COL21A1: variants seen among roughly 807,000 people sequenced by gnomAD.
COL21A1 encodes the protein collagen alpha-1(XXI) chain.
COL21A1 carries 149 observed loss-of-function variants against 137.9 expected under a neutral mutation model. That is an observed-to-expected ratio of 1.08 (90% CI 0.95 to 1.24). The LOEUF (loss-of-function observed/expected upper bound fraction) is 1.24. Ranked by LOEUF, COL21A1 falls within the 50% of genes most tolerant of loss-of-function variation. The pLI is 0.00. For synonymous variants in COL21A1, 456 were observed against 391.5 expected (o/e 1.16, Z -1.95); for missense variants, 1,167 against 1,158.4 (o/e 1.01, Z -0.11).
chr6:56,378,961 T>A (rs2094004426), intron 1 of COL21A1, among the ~76,000 whole-genome samples: 1 of 152,220 alleles, frequency 6.6e-6, no homozygotes, highest in Admixed American at 6.5e-5. Flanking sequence ...CTCTTGGATC[T>A]TGTCCAAGAC....
intron 1 of COL21A1, among the ~76,000 whole-genome samples, chr6:56,308,824 A>G (rs1764532771): frequency 6.6e-6 from 1 of 152,166 alleles, no homozygotes; most frequent in South Asian, 2.1e-4. Context: ...GCTAGTGGAT[A>G]CTCAGTTGGA....
intron 16 of COL21A1, among the ~76,000 whole-genome samples, chr6:56,114,552 A>G (rs911418660): frequency 5.9e-5 from 9 of 152,198 alleles, no homozygotes; most frequent in Middle Eastern, 3.4e-3. Context: ...CATTTATGCA[A>G]CCAAAAAACA....
chr6:56,141,886 A>T, intron 11 of COL21A1, 44 bp downstream of exon 11: 4 of 1,600,530 alleles, frequency 2.5e-6, no homozygotes, highest in Non-Finnish European at 3.4e-6. Context: ...GTTTTAGTTC[A>T]CTAAAAATAA....
intron 1 of COL21A1, among the ~76,000 whole-genome samples, chr6:56,352,639 T>C (rs540110941): frequency 3.3e-5 from 5 of 152,288 alleles, no homozygotes; most frequent in East Asian, 1.9e-4. Context: ...ATCGCCTTCC[T>C]TCCTCCATTA....
In COL21A1 at chr6:56,325,784, A is replaced by ATT. The variant is rs1562057606; in HGVS notation, c.-39+68186_-39+68187insAA. Among the ~76,000 whole-genome samples the ATT allele has an allele frequency of 2.2e-3, 2 of 916 alleles. 1 individual carries two copies. The highest frequency in any genetic ancestry group is 5.2e-3 in the Non-Finnish European group (2 of 384). 0.6% of individuals were successfully genotyped at this position (916 alleles called of 152,430 possible). A position where few individuals can be genotyped will look rare whatever the true frequency, so the allele number is the denominator to read the frequency against. On this transcript the variant is annotated intron_variant, in intron 1 of 28. Transcript: ENST00000370819. ...TATTATATATTATATATATTTATAT[A>ATT]ATATATAATATATATTATACATATT...
At chr6:56,385,239 C>T (rs949891129) in intron 1 of COL21A1, among the ~76,000 whole-genome samples, 1 of 152,204 alleles carries the variant, frequency 6.6e-6, no homozygotes, top group Non-Finnish European at 1.5e-5. Context: ...CTAAGAATTA[C>T]AGGTCTTTTG....
At chr6:56,299,739 T>C (rs1764238658) in intron 1 of COL21A1, among the ~76,000 whole-genome samples, 2 of 152,038 alleles carry the variant, frequency 1.3e-5, no homozygotes, top group South Asian at 4.1e-4. Flanking sequence ...TTCTGAGAAA[T>C]TCTCCCTCAG....
intron 1 of COL21A1, among the ~76,000 whole-genome samples, chr6:56,213,012 G>C (rs921472582): frequency 6.6e-6 from 1 of 151,836 alleles, no homozygotes; most frequent in South Asian, 2.1e-4. Flanking sequence ...AAGAGAGAAA[G>C]AAAAAATTAG....
intron 1 of COL21A1, among the ~76,000 whole-genome samples, chr6:56,334,363 C>A (rs11968872): frequency 6.6e-6 from 1 of 152,002 alleles, no homozygotes; most frequent in Admixed American, 6.6e-5. Context: ...CCTTAGAGCA[C>A]GTCTGTGGAG....
intron 1 of COL21A1, chr6:56,231,206 G>A (rs1232623913): frequency 1.3e-5 from 2 of 151,854 alleles, no homozygotes; most frequent in Non-Finnish European, 2.9e-5. Flanking sequence ...ACATGACTAT[G>A]TTTAAAAGAA....
chr6:56,337,931 A>C (rs2152344622), intron 1 of COL21A1, among the ~76,000 whole-genome samples: 1 of 151,266 alleles, frequency 6.6e-6, no homozygotes, highest in Non-Finnish European at 1.5e-5. Context: ...AGTGAGGAAG[A>C]AAAGGGGTTT....
At chr6:56,320,549 C>A (rs1457328364) in intron 1 of COL21A1, among the ~76,000 whole-genome samples, 5 of 148,888 alleles carry the variant, frequency 3.4e-5, no homozygotes, top group African/African-American at 1.0e-4. Flanking sequence ...ACACACACAC[C>A]CCTCCCACTC....
At chr6:56,112,627 A>C (rs1435235216) in intron 16 of COL21A1, among the ~76,000 whole-genome samples, 1 of 151,658 alleles carries the variant, frequency 6.6e-6, no homozygotes, top group Admixed American at 6.6e-5. Context: ...AGAAAGGAAA[A>C]CCAGACCAAA....
chr6:56,059,094 A>G, intron 29 of COL21A1, 71 bp downstream of exon 29: 3 of 1,150,296 alleles, frequency 2.6e-6, no homozygotes, highest in Non-Finnish European at 3.9e-6. Flanking sequence ...AATTTATTTC[A>G]CATAGATCTA....
chr6:56,256,797 T>C (rs1782984019), intron 1 of COL21A1, among the ~76,000 whole-genome samples: 1 of 152,110 alleles, frequency 6.6e-6, no homozygotes, highest in Non-Finnish European at 1.5e-5. Context: ...GAAACTAACA[T>C]GTTCAATGTT....
At chr6:56,344,096 A>C (rs985394710) in intron 1 of COL21A1, among the ~76,000 whole-genome samples, 1 of 152,228 alleles carries the variant, frequency 6.6e-6, no homozygotes, top group Non-Finnish European at 1.5e-5. Flanking sequence ...TTTTGTGGCT[A>C]ATGTTACTCA....
intron 16 of COL21A1, among the ~76,000 whole-genome samples, chr6:56,109,089 T>C (rs1322302671): frequency 1.3e-5 from 2 of 151,650 alleles, no homozygotes; most frequent in Admixed American, 1.3e-4. Flanking sequence ...GAGAAAAATA[T>C]TCAGTTTAAC....
chr6:56,393,253 C>T (rs897792840), intron 1 of COL21A1, among the ~76,000 whole-genome samples: 1 of 152,152 alleles, frequency 6.6e-6, no homozygotes, highest in African/African-American at 2.4e-5. Context: ...GGGGAAAGGA[C>T]AGTCTCTTCA....
At chr6:56,393,050 C>CA (rs34338247) in intron 1 of COL21A1, among the ~76,000 whole-genome samples, 24,322 of 123,536 alleles carry the variant, frequency 0.2, 2,248 homozygotes, top group African/African-American at 0.28. Flanking sequence ...CAATCCTTAG[C>CA]AAAAAAAAAA....
Sources: allele counts gnomAD v4.1 joint callset (sites outside exome capture counted in the v4.1 genomes callset), GRCh38; gene constraint gnomAD v4.1.1; transcripts MANE v1.5; gene names NCBI Gene and HGNC (gene_info 2026-07-23, HGNC 2026-07-21).